BTNL3: variants seen among roughly 807,000 people sequenced by gnomAD.
BTNL3 encodes butyrophilin-like protein 3.
In BTNL3, 20 loss-of-function variants were observed where a neutral mutation model predicts 40.1. The ratio of observed to expected loss-of-function variants is 0.50; its 90% CI spans 0.35 to 0.72. The LOEUF (loss-of-function observed/expected upper bound fraction) is 0.72. BTNL3 is among the 30% of genes least tolerant of loss of function. The probability of loss-of-function intolerance (pLI) is 0.01; values close to 1 mark genes in which losing one functional copy is unlikely to be tolerated. For missense variants in BTNL3, 449 were observed against 582.2 expected (o/e 0.77, Z 2.35); for synonymous variants, 179 against 222.1 (o/e 0.81, Z 1.73).
chr5:180,989,598 TA>T lies in BTNL3; in HGVS notation c.49+522del, dbSNP rs1246418143. Among the ~76,000 whole-genome samples the T allele has an allele frequency of 1.5e-5, 2 of 136,260 alleles. 1 individual carries two copies. Among genetic ancestry groups the T allele is most frequent in the Non-Finnish European group, 3.4e-5 (2 of 59,628 alleles). The allele number at this position is 136,260 out of a possible 152,430, so 89.4% of individuals were successfully genotyped here. On this transcript the variant is annotated intron_variant, in intron 1 of 7. Coordinates refer to ENST00000342868, the MANE Select transcript of BTNL3 (RefSeq NM_197975.3). The stretch of plus-strand genomic sequence containing the variant: ...GTGAGGAGTAAGTTGGAACCTGGCA[TA>T]GTCTAGGCAGAAACCCACTCTTCTT...
Position 181,006,003 on chromosome 5 carries a change from T to C in BTNL3, c.*131T>C. ...CAGAGAGTCACGCCCCCCACTCTCC[T>C]TTAGGGAGCTGAGGTTCTTCTGCCC... On this transcript the variant is annotated 3_prime_UTR_variant, in exon 8 of 8. Transcript: ENST00000342868. 1 of 1,041,956 alleles carries C rather than the reference T, an allele frequency of 9.6e-7. No homozygotes were observed. The highest frequency in any genetic ancestry group is 1.4e-6 in the Non-Finnish European group (1 of 736,918). 64.5% of individuals were successfully genotyped at this position (1,041,956 alleles called of 1,614,324 possible).
At position 181,005,895 on chromosome 5, in the gene BTNL3, G is replaced by T; in HGVS notation, c.*23G>T. 6.4e-7 allele frequency: 1 copy of T among 1,564,940 alleles called. No individual in the cohort carries two copies. The highest frequency in any genetic ancestry group is 2.2e-5 in the East Asian group (1 of 44,516). ...TGAGACAGAGAAGACCCTGCTTAAA[G>T]GGCCCCACACCACAGACCCAGACAC... is the stretch of plus-strand genomic sequence containing the variant. On this transcript the variant is annotated 3_prime_UTR_variant, in exon 8 of 8. Coordinates refer to ENST00000342868, the MANE Select transcript of BTNL3 (RefSeq NM_197975.3).
rs547563573 is a variant in BTNL3 at position 180,989,141 on chromosome 5, G to A, written c.49+64G>A. ...TGAATAATATTTTGAGTTCATTCAT[G>A]ACAATGATCTCAGCACAGTGAGATG... On this transcript the variant is annotated intron_variant, in intron 1 of 7. Coordinates refer to ENST00000342868, the MANE Select transcript of BTNL3 (RefSeq NM_197975.3). 1.6e-4 allele frequency: 221 copies of A among 1,376,858 alleles called. 20 individuals carry two copies. In the South Asian group the frequency reaches 2.4e-3, roughly 15 times the overall value. The allele number at this position is 1,376,858 out of a possible 1,614,324, so 85.3% of individuals were successfully genotyped here.
Position 181,005,320 on chromosome 5 carries a change from C to A in BTNL3, c.863-14C>A. 6.2e-7 allele frequency: 1 copy of A among 1,609,280 alleles called. No individual in the cohort carries two copies. Among genetic ancestry groups the A allele is most frequent in the South Asian group, 1.1e-5 (1 of 90,910 alleles). On this transcript the variant is annotated splice_polypyrimidine_tract_variant and intron_variant, in intron 7 of 7. Coordinates refer to ENST00000342868, the MANE Select transcript of BTNL3 (RefSeq NM_197975.3). ...CAGTAACTCATGCTTCCTCTCTCCC[C>A]CACCGCACCCCAGTGGAGGTGACTC... is the stretch of plus-strand genomic sequence containing the variant.
At chr5:181,002,410 C>T (rs1760131992) in intron 3 of BTNL3, among the ~76,000 whole-genome samples, 1 of 97,626 alleles carries the variant, frequency 1.0e-5, no homozygotes, top group Admixed American at 1.2e-4. Flanking sequence ...ATATGAAATC[C>T]AGATGGATCA....
Position 180,993,243 on chromosome 5 carries a change from T to C in BTNL3, c.397+83T>C, listed in dbSNP as rs904874912. ...CTTAAAAGTATTTCAGATAATGAAATAAAACAGACTTTCCAGATTCTGACA... is the reference window on the plus strand; with the variant it reads ...CTTAAAAGTATTTCAGATAATGAAACAAAACAGACTTTCCAGATTCTGACA... On this transcript the variant is annotated intron_variant, in intron 2 of 7. Transcript: ENST00000342868. 11 of 1,348,260 alleles carry C rather than the reference T, an allele frequency of 8.2e-6. 1 individual carries two copies. The African/African-American group carries it at 1.5e-4, about 18-fold the overall frequency. The allele number at this position is 1,348,260 out of a possible 1,614,324, so 83.5% of individuals were successfully genotyped here.
chr5:180,997,529 T>G (rs1024312527), intron 3 of BTNL3, 41 bp downstream of exon 3: 1 of 1,460,500 alleles, frequency 6.8e-7, no homozygotes, highest in African/African-American at 1.4e-5. Context: ...GGTGTGTGCA[T>G]ACGTAACCCA....
intron 5 of BTNL3, 41 bp from the exon 6 acceptor site, chr5:181,004,376 C>A (rs1377295794): frequency 1.1e-6 from 1 of 932,010 alleles, no homozygotes; most frequent in Non-Finnish European, 1.6e-6. Context: ...TCTGTGACGT[C>A]AGCCTCTTAC....
In BTNL3 at chr5:181,005,569, G is replaced by A; in HGVS notation, c.1098G>A (p.Lys366=). Residue 366 remains lysine, a synonymous_variant, in exon 8 of 8, where the codon AAG becomes AAA. Coordinates refer to ENST00000342868, the MANE Select transcript of BTNL3 (RefSeq NM_197975.3). ...GVCRDDVDRG[K]NNVTLSPNNG... is the part of the protein sequence containing the mutation. Reference sequence around the variant, plus strand: ...GTCGGGATGACGTAGACAGGGGGAAGAACAATGTGACTTTGTCTCCCAACA... The same window carrying A: ...GTCGGGATGACGTAGACAGGGGGAAAAACAATGTGACTTTGTCTCCCAACA... The A allele has an allele frequency of 6.2e-7, 1 of 1,614,068 alleles. No individual in the cohort carries two copies. The highest frequency in any genetic ancestry group is 1.1e-5 in the South Asian group (1 of 91,086).
At chr5:181,004,919 A>C (rs1249515183) in intron 7 of BTNL3, among the ~76,000 whole-genome samples, 157 bp downstream of exon 7, 1 of 152,034 alleles carries the variant, frequency 6.6e-6, no homozygotes, top group African/African-American at 2.4e-5. Context: ...CAGGACTTGG[A>C]GGGAAAAGCG....
rs1240728245 is a variant in BTNL3 at position 180,994,688 on chromosome 5, A to C, written c.397+1528A>C. ...AATGTTGATATTTTGTTATTGTCTCATAGGTCCTTGAGGATCTGTTTTTCC... is the reference window on the plus strand; with the variant it reads ...AATGTTGATATTTTGTTATTGTCTCCTAGGTCCTTGAGGATCTGTTTTTCC... On this transcript the variant is annotated intron_variant, in intron 2 of 7. Coordinates refer to ENST00000342868, the MANE Select transcript of BTNL3 (RefSeq NM_197975.3). Among the ~76,000 whole-genome samples the C allele has an allele frequency of 2.2e-5, 3 of 136,068 alleles. 1 individual carries two copies. Among genetic ancestry groups the C allele is most frequent in the Admixed American group, 7.8e-5 (1 of 12,800 alleles). The allele number at this position is 136,068 out of a possible 152,430, so 89.3% of individuals were successfully genotyped here. A position where few individuals can be genotyped will look rare whatever the true frequency, so the allele number is the denominator to read the frequency against.
In BTNL3 at chr5:180,989,225, A is replaced by G. The variant is rs1759940017; in HGVS notation, c.49+148A>G. 1.9e-6 allele frequency: 2 copies of G among 1,049,248 alleles called. 1 individual carries two copies. Among genetic ancestry groups the G allele is most frequent in the African/African-American group, 3.2e-5 (2 of 63,274 alleles). 65.0% of individuals were successfully genotyped at this position (1,049,248 alleles called of 1,614,324 possible). A position where few individuals can be genotyped will look rare whatever the true frequency, so the allele number is the denominator to read the frequency against. ...TCCTGGCCTCAGGCTGGAAACTACC[A>G]ATGCCAGGAGCTGTGGGAAGCACAG... On this transcript the variant is annotated intron_variant, in intron 1 of 7. Coordinates refer to ENST00000342868, the MANE Select transcript of BTNL3 (RefSeq NM_197975.3).
chr5:180,992,994 G>T lies in BTNL3; in HGVS notation c.231G>T (p.Gln77His). 6.8e-7 allele frequency: 1 copy of T among 1,461,860 alleles called. No individual in the cohort carries two copies. Among genetic ancestry groups the T allele is most frequent in the Non-Finnish European group, 9.4e-7 (1 of 1,058,254 alleles). The allele number at this position is 1,461,860 out of a possible 1,614,324, so 90.6% of individuals were successfully genotyped here. A position where few individuals can be genotyped will look rare whatever the true frequency, so the allele number is the denominator to read the frequency against. ...ATGGGGAAGACTGGGAATCTAAGCA[G>T]ATGCCACAGTATCGAGGGAGAACTG... is the stretch of plus-strand genomic sequence containing the variant. Reference protein sequence around the residue: ...YRDGEDWESKQMPQYRGRTEF... With the variant: ...YRDGEDWESKHMPQYRGRTEF... Residue 77 changes from glutamine (Q) to histidine (H), a missense_variant, in exon 2 of 8, where the codon CAG becomes CAT. By Grantham distance (24) the Gln-to-His change is conservative. Around this residue, in one of 2 missense-constraint regions of BTNL3, gnomAD observed 323 missense variants for 464.9 expected, o/e 0.69. Transcript: ENST00000342868.
At chr5:181,002,184 C>CA (rs1236339161) in intron 3 of BTNL3, among the ~76,000 whole-genome samples, 1 of 132,002 alleles carries the variant, frequency 7.6e-6, no homozygotes, top group Non-Finnish European at 1.7e-5. Context: ...TGAGAGAGAA[C>CA]AAAGAGCCCA....
Position 181,006,093 on chromosome 5 carries a change from G to T in BTNL3, c.*221G>T, listed in dbSNP as rs572570095. 27 of 517,802 alleles carry T rather than the reference G, an allele frequency of 5.2e-5. No individual in the cohort carries two copies. The Admixed American group carries it at 7.8e-4, about 15-fold the overall frequency. 32.1% of individuals were successfully genotyped at this position (517,802 alleles called of 1,614,324 possible). ...GGGGGATTGGCCTGACCCTGTGGGAGTCAGAAGCCATGGCTGCCCTGAAGT... is the reference window on the plus strand; with the variant it reads ...GGGGGATTGGCCTGACCCTGTGGGATTCAGAAGCCATGGCTGCCCTGAAGT... On this transcript the variant is annotated 3_prime_UTR_variant, in exon 8 of 8. Coordinates refer to ENST00000342868, the MANE Select transcript of BTNL3 (RefSeq NM_197975.3).
rs766567540 is a variant in BTNL3 at position 181,002,738 on chromosome 5, T to C, written c.740T>C (p.Leu247Pro). ...SILLGLLCGA[L>P]CGVVMGMIIV... ...TTACTCGGGTTACTCTGTGGTGCCC[T>C]GTGTGGTGTTGTCATGGGGATGATA... The change falls in exon 4 of 8, where the codon CTG becomes CCG. Residue 247 changes from leucine to proline, a missense_variant. Leu to Pro is a moderately conservative substitution (Grantham distance 98, BLOSUM62 -3). Transcript: ENST00000342868. 6.9e-7 allele frequency: 1 copy of C among 1,455,740 alleles called. No homozygotes were observed. Among genetic ancestry groups the C allele is most frequent in the Admixed American group, 1.9e-5 (1 of 52,434 alleles). The allele number at this position is 1,455,740 out of a possible 1,614,324, so 90.2% of individuals were successfully genotyped here.
At position 180,992,983 on chromosome 5, in the gene BTNL3, G is replaced by A. The variant is rs752507233; in HGVS notation, c.220G>A (p.Glu74Lys). The change falls in exon 2 of 8, where the codon GAA becomes AAA. Residue 74 changes from glutamate to lysine, a missense_variant. Transcript: ENST00000342868. ...CCTCTACAGAGATGGGGAAGACTGG[G>A]AATCTAAGCAGATGCCACAGTATCG... is the stretch of plus-strand genomic sequence containing the variant. ...VHLYRDGEDW[E>K]SKQMPQYRGR... The A allele has an allele frequency of 1.1e-5, 16 of 1,461,862 alleles. 4 individuals carry two copies. The highest frequency in any genetic ancestry group is 4.1e-5 in the African/African-American group (3 of 72,358). The allele number at this position is 1,461,862 out of a possible 1,614,324, so 90.6% of individuals were successfully genotyped here.
chr5:181,004,860 G>GC lies in BTNL3; in HGVS notation c.862+101dup, dbSNP rs1372990059. On this transcript the variant is annotated intron_variant, in intron 7 of 7. Transcript: ENST00000342868. Reference sequence around the variant, plus strand: ...AGCTTGTAGACAGCAAATCTGTGATGCCCGAATCCACCCCAGGGTGCAGCT... The same window carrying GC: ...AGCTTGTAGACAGCAAATCTGTGATGCCCCGAATCCACCCCAGGGTGCAGCT... 1.9e-6 allele frequency: 3 copies of GC among 1,608,172 alleles called. No homozygotes were observed. The African/African-American group carries it at 4.0e-5, about 22-fold the overall frequency.
Position 180,993,063 on chromosome 5 carries a change from G to C in BTNL3, c.300G>C (p.Arg100Ser), listed in dbSNP as rs1409173036. ...TTGCAGGGGGGCGTGTCTCTCTAAGGCTAAAAAACATCACTCCCTCGGACA... is the reference window on the plus strand; with the variant it reads ...TTGCAGGGGGGCGTGTCTCTCTAAGCCTAAAAAACATCACTCCCTCGGACA... ...DSIAGGRVSLRLKNITPSDIG... is the reference protein window; with the variant it reads ...DSIAGGRVSLSLKNITPSDIG... The change falls in exon 2 of 8, where the codon AGG becomes AGC. Residue 100 changes from arginine to serine, a missense_variant. Physicochemically the swap from Arg to Ser is moderately radical, Grantham distance 110. Coordinates refer to ENST00000342868, the MANE Select transcript of BTNL3 (RefSeq NM_197975.3). 6.9e-7 allele frequency: 1 copy of C among 1,455,282 alleles called. No individual in the cohort carries two copies. Among genetic ancestry groups the C allele is most frequent in the Non-Finnish European group, 9.5e-7 (1 of 1,054,768 alleles). 90.1% of individuals were successfully genotyped at this position (1,455,282 alleles called of 1,614,324 possible). A position where few individuals can be genotyped will look rare whatever the true frequency, so the allele number is the denominator to read the frequency against.
Sources: allele counts gnomAD v4.1 joint callset (sites outside exome capture counted in the v4.1 genomes callset), GRCh38; gene constraint gnomAD v4.1.1; regional missense constraint gnomAD v4.1.1; transcripts MANE v1.5; gene names NCBI Gene and HGNC (gene_info 2026-07-23, HGNC 2026-07-21).